Variants in ECM2 observed in about 807,000 individuals in gnomAD.
ECM2 encodes the protein extracellular matrix protein 2.
Under a neutral mutation model 67.5 loss-of-function variants are expected in ECM2, and 57 were observed. The observed-to-expected ratio is 0.84, with a 90% CI of 0.68 to 1.05. The LOEUF is 1.05. Ranked by LOEUF, ECM2 falls within the 50% of genes least tolerant of loss-of-function variation. The probability of loss-of-function intolerance (pLI) is 0.00; values close to 1 mark genes in which losing one functional copy is unlikely to be tolerated. For synonymous variants in ECM2, 258 were observed against 294.5 expected, an observed-to-expected ratio of 0.88 and a Z score of 1.27; for missense variants, 741 against 822.8, an observed-to-expected ratio of 0.90 and a Z score of 1.22.
intron 1 of ECM2, among the ~76,000 whole-genome samples, chr9:92,533,149 A>T (rs759367975): frequency 1.1e-4 from 17 of 149,922 alleles, no homozygotes; most frequent in Non-Finnish European, 2.4e-4. Flanking sequence ...ATACAAAAAA[A>T]ATTAGCTGGG....
At chr9:92,533,298 T>TCAAA (rs1359163557) in intron 1 of ECM2, among the ~76,000 whole-genome samples, 31 of 25,644 alleles carry the variant, frequency 1.2e-3, no homozygotes, top group East Asian at 2.0e-3. Context: ...AGACTCGGTC[T>TCAAA]CAAACAAAAA....
intron 6 of ECM2, among the ~76,000 whole-genome samples, chr9:92,506,342 T>C (rs1847006400): frequency 2.0e-5 from 3 of 152,204 alleles, no homozygotes; most frequent in African/African-American, 7.2e-5. Flanking sequence ...AAATTCTCCA[T>C]GCATTCAGAT....
intron 7 of ECM2, among the ~76,000 whole-genome samples, chr9:92,503,654 A>T (rs1846820987): frequency 6.6e-6 from 1 of 152,244 alleles, no homozygotes; most frequent in Non-Finnish European, 1.5e-5. Flanking sequence ...TCTTGTTAGA[A>T]TTCAGAGGTA....
chr9:92,505,159 G>A (rs567638688), intron 7 of ECM2, among the ~76,000 whole-genome samples: 8 of 152,136 alleles, frequency 5.3e-5, no homozygotes, highest in Non-Finnish European at 7.4e-5. Flanking sequence ...ACTCTGTTAC[G>A]GTTAATACCT....
At chr9:92,494,628 G>T (rs1290160000), downstream of ECM2, among the ~76,000 whole-genome samples, 1 of 152,094 alleles carries the variant, frequency 6.6e-6, no homozygotes, top group Non-Finnish European at 1.5e-5. Flanking sequence ...AATAAGTCTT[G>T]CCTGGTGCAG....
At chr9:92,558,322 C>T in the ECM2 span, among the ~76,000 whole-genome samples, 1 of 152,092 alleles carries the variant, frequency 6.6e-6, no homozygotes, top group African/African-American at 2.4e-5. Context: ...TTCTTTTGTC[C>T]CATGGGGTGT....
chr9:92,527,068 G>A (rs1190358888), intron 1 of ECM2, among the ~76,000 whole-genome samples: 13 of 152,084 alleles, frequency 8.5e-5, no homozygotes. Context: ...GAGTGCAGTG[G>A]CACCATCTCA....
chr9:92,497,553 G>A (rs761592438), intron 9 of ECM2, among the ~76,000 whole-genome samples: 3 of 151,834 alleles, frequency 2.0e-5, no homozygotes, highest in Admixed American at 6.6e-5. Context: ...GAACCTGGGA[G>A]GTCGAGGTTG....
chr9:92,552,098 GATCTATCATATATAT>G, the ECM2 span, among the ~76,000 whole-genome samples: 11 of 133,694 alleles, frequency 8.2e-5, 1 homozygote, highest in African/African-American at 2.9e-4. Flanking sequence ...TGATATGATA[GATCTATCATATATAT>G]GTGATATGAT....
At chr9:92,546,804 C>T in the ECM2 span, among the ~76,000 whole-genome samples, 2 of 152,012 alleles carry the variant, frequency 1.3e-5, no homozygotes, top group African/African-American at 2.4e-5. Flanking sequence ...TTTAAAAAAA[C>T]AATAAAATTG....
chr9:92,522,520 T>A (rs1220470444), intron 2 of ECM2, 55 bp downstream of exon 2: 2 of 1,468,620 alleles, frequency 1.4e-6, no homozygotes, highest in Non-Finnish European at 1.8e-6. Context: ...TCTTTCCCCA[T>A]ACCATCTCTC....
chr9:92,498,142 C>A (rs1455844803), intron 9 of ECM2, among the ~76,000 whole-genome samples: 1 of 152,144 alleles, frequency 6.6e-6, no homozygotes, highest in Non-Finnish European at 1.5e-5. Context: ...AGAGAGAAAA[C>A]TGCCCTTTTG....
the ECM2 span, among the ~76,000 whole-genome samples, chr9:92,554,455 T>G: frequency 6.6e-6 from 1 of 152,196 alleles, no homozygotes; most frequent in African/African-American, 2.4e-5. Flanking sequence ...AGTGCTGGGA[T>G]TACAGGCGTG....
chr9:92,522,493 C>T, intron 2 of ECM2, 82 bp downstream of exon 2: 1 of 1,266,660 alleles, frequency 7.9e-7, no homozygotes, highest in South Asian at 1.8e-5. Context: ...TGTTCTCCCT[C>T]TCTCCCTCTC....
chr9:92,502,631 G>T lies in ECM2; in HGVS notation c.1486C>A (p.Gln496Lys). 6.3e-7 allele frequency: 1 copy of T among 1,594,036 alleles called. No individual in the cohort carries two copies. The highest frequency in any genetic ancestry group is 1.1e-5 in the South Asian group (1 of 89,708). ...SIEELYLENN[Q>K]IEEITEICFN... is the part of the protein sequence containing the mutation. The stretch of plus-strand genomic sequence containing the variant: ...CAAATTTCAGTTATTTCTTCAATTT[G>T]GTTATTTTCTAGGTATAATTCCTAT... The change falls in exon 8 of 10, where the codon CAA (glutamine) becomes AAA (lysine). Residue 496 changes from glutamine to lysine, a missense_variant. By Grantham distance (53) the Gln-to-Lys change is moderately conservative. Transcript: ENST00000344604.
the ECM2 span, among the ~76,000 whole-genome samples, chr9:92,551,277 T>C: frequency 6.6e-6 from 1 of 152,154 alleles, no homozygotes; most frequent in South Asian, 2.1e-4. Flanking sequence ...TACTGTTATA[T>C]AGTAAGGAGT....
intron 1 of ECM2, 127 bp from the exon 2 acceptor site, chr9:92,523,020 A>G (rs1848174185): frequency 2.2e-6 from 2 of 894,322 alleles, no homozygotes; most frequent in South Asian, 3.7e-5. Flanking sequence ...TATATGGACT[A>G]TATGCTATAG....
At chr9:92,515,339 T>C in intron 3 of ECM2, 136 bp from the exon 4 acceptor site, 1 of 1,190,350 alleles carries the variant, frequency 8.4e-7, no homozygotes, top group Non-Finnish European at 1.1e-6. Context: ...AAATGCACCT[T>C]GAAATTCTTG....
chr9:92,548,110 G>A, the ECM2 span, among the ~76,000 whole-genome samples: 27 of 152,292 alleles, frequency 1.8e-4, no homozygotes, highest in African/African-American at 5.5e-4. Flanking sequence ...AATAAATAGT[G>A]GTTTGGCATC....
Sources: gnomAD v4.1 joint callset for allele counts (sites outside exome capture counted in the v4.1 genomes callset) on GRCh38, gnomAD v4.1.1 for gene constraint, MANE v1.5 for transcripts, NCBI Gene and HGNC (gene_info 2026-07-23, HGNC 2026-07-21) for gene names.